Variants in TRPM7 observed in about 807,000 individuals in gnomAD.
The protein encoded by TRPM7 is LTRPC ion channel family member 7.
In TRPM7, 134 loss-of-function variants were observed where a neutral mutation model predicts 229.7. That is an observed-to-expected ratio of 0.58 (90% CI 0.51 to 0.67). TRPM7 has a LOEUF of 0.67. Among genes scored for constraint, TRPM7 ranks in the 30% least tolerant of loss-of-function variants. The pLI, the probability that TRPM7 is intolerant of heterozygous loss-of-function variation, is 0.00. For missense variants in TRPM7, 1,901 were observed against 2,210.0 expected, an observed-to-expected ratio of 0.86 and a Z score of 2.80; for synonymous variants, 699 against 715.2, an observed-to-expected ratio of 0.98 and a Z score of 0.36.
At chr15:50,653,684 A>T (rs2061484131) in intron 3 of TRPM7, among the ~76,000 whole-genome samples, 1 of 152,194 alleles carries the variant, frequency 6.6e-6, no homozygotes, top group South Asian at 2.1e-4. Flanking sequence ...AGTAGAGAAC[A>T]GAATTCTAGG....
chr15:50,587,971 T>C (rs951324218), intron 27 of TRPM7, among the ~76,000 whole-genome samples: 1 of 152,176 alleles, frequency 6.6e-6, no homozygotes, highest in Non-Finnish European at 1.5e-5. Flanking sequence ...CTTTTCTTCT[T>C]TCTCTTTTTA....
rs59336476 is a variant in TRPM7, at chr15:50,614,664, C to CA, written c.1495-402dup. Among the ~76,000 whole-genome samples, 880 of 92,538 alleles carry CA rather than the reference C, an allele frequency of 9.5e-3. 56 individuals are homozygous for CA. The highest frequency in any genetic ancestry group is 0.022 in the African/African-American group (466 of 20,720). 60.7% of individuals were successfully genotyped at this position (92,538 alleles called of 152,430 possible). ...TGGGAGACAGAGCAAGACTTGGTCT[C>CA]AAAAAAAAAAAAAAAAAAAAAAAAA... On this transcript the variant is annotated intron_variant, in intron 13 of 38. Transcript: ENST00000646667.
Position 50,631,487 on chromosome 15 carries a change from G to C in TRPM7, c.1134C>G (p.Ile378Met). ...CATCTGACCCAATATGGAAAACAGT[G>C]ATCTATTTAAAGATAAATTTATAAC... ...LMECMKRKEL[I>M]TVFHIGSDEH... is the part of the protein sequence containing the mutation. The change falls in exon 10 of 39, where the codon ATC becomes ATG. Residue 378 changes from isoleucine to methionine, a missense_variant and splice_region_variant. Around this residue, in one of 8 missense-constraint regions of TRPM7, gnomAD observed 794 missense variants for 881.9 expected, o/e 0.90. Transcript: ENST00000646667. 1.3e-6 allele frequency: 2 copies of C among 1,589,618 alleles called. No homozygotes were observed. Among genetic ancestry groups the C allele is most frequent in the Non-Finnish European group, 1.7e-6 (2 of 1,158,986 alleles).
rs2059516902 is a variant in TRPM7 at position 50,592,148 on chromosome 15, G to C, written c.4087C>G (p.Pro1363Ala). Residue 1363 changes from proline (P) to alanine (A), a missense_variant, in exon 26 of 39, where the codon CCA becomes GCA. Physicochemically the swap from Pro to Ala is conservative, Grantham distance 27. Around this residue, in one of 8 missense-constraint regions of TRPM7, gnomAD observed 533 missense variants for 497.1 expected, o/e 1.07. Transcript: ENST00000646667. Reference protein sequence around the residue: ...GALFPSAVSPPELRQRLHGVE... With the variant: ...GALFPSAVSPAELRQRLHGVE... ...CCATGTAGTCTCTGTCGCAGTTCTG[G>C]AGGGGAAACAGCACTTGGGAATAAG... 1 of 1,613,818 alleles carries C rather than the reference G, an allele frequency of 6.2e-7. No individual in the cohort carries two copies. The highest frequency in any genetic ancestry group is 1.3e-5 in the African/African-American group (1 of 75,014).
rs567598050 is a variant in TRPM7, at chr15:50,668,942, T to C, written c.4-5896A>G. 5.3e-5 allele frequency among the ~76,000 whole-genome samples: 8 copies of C among 152,320 alleles called. No homozygotes were observed. The East Asian group carries it at 1.5e-3, about 29-fold the overall frequency. ...CCTTAAAGGAATCAAACTTGACTTG[T>C]AGAGCCAATTAAAAGCTGCTTGGGA... On this transcript the variant is annotated intron_variant, in intron 1 of 38. Transcript: ENST00000646667.
intron 1 of TRPM7, among the ~76,000 whole-genome samples, chr15:50,684,053 T>C (rs376133661): frequency 1.9e-4 from 29 of 152,022 alleles, no homozygotes; most frequent in Non-Finnish European, 7.4e-5. Flanking sequence ...GGTTTCACCA[T>C]GTTGGCCAGG....
Position 50,590,428 on chromosome 15 carries a change from T to C in TRPM7, c.4325-772A>G, listed in dbSNP as rs539727775. 5.3e-5 allele frequency among the ~76,000 whole-genome samples: 8 copies of C among 152,144 alleles called. No homozygotes were observed. In the South Asian group the frequency reaches 8.3e-4, roughly 16 times the overall value. ...ATGAAAACTGTTCCACACATAGAGA[T>C]TGTTCAGACAACATGTTAATAAGCC... On this transcript the variant is annotated intron_variant, in intron 26 of 38. Transcript: ENST00000646667.
At position 50,650,192 on chromosome 15, in the gene TRPM7, C is replaced by CAAAAAA. The variant is rs59579538; in HGVS notation, c.123-1313_123-1308dup. On this transcript the variant is annotated intron_variant, in intron 3 of 38. Coordinates refer to ENST00000646667, the MANE Select transcript of TRPM7 (RefSeq NM_017672.6). ...TGGGTGAAAGAGTGAGACTTTGTCT[C>CAAAAAA]AAAAAAAAAAAAAAAAAAAAAAAAA... Among the ~76,000 whole-genome samples, 152 of 62,286 alleles carry CAAAAAA rather than the reference C, an allele frequency of 2.4e-3. 2 individuals carry two copies. Among genetic ancestry groups the CAAAAAA allele is most frequent in the Non-Finnish European group, 3.2e-3 (116 of 36,474 alleles). 40.9% of individuals were successfully genotyped at this position (62,286 alleles called of 152,430 possible).
Position 50,575,020 on chromosome 15 carries a change from C to G in TRPM7, c.4851G>C (p.Glu1617Asp). Residue 1617 changes from glutamate (E) to aspartate (D), a missense_variant, in exon 34 of 39, where the codon GAG becomes GAC. Glu to Asp is a conservative substitution (Grantham distance 45, BLOSUM62 2). This residue lies in a region of TRPM7 where 257 missense variants were observed against 352.0 expected (regional missense o/e 0.73). Transcript: ENST00000646667. ...LCAKIEFLSK[E>D]EMGGGLRRAV... ...CTCTTCGTAAACCTCCTCCCATCTC[C>G]TCTTTGCTTAAAAACTCTATTTTGG... 6.2e-7 allele frequency: 1 copy of G among 1,614,118 alleles called. No individual in the cohort carries two copies. Among genetic ancestry groups the G allele is most frequent in the Non-Finnish European group, 8.5e-7 (1 of 1,180,006 alleles).
chr15:50,570,187 T>C lies in TRPM7; in HGVS notation c.5309-32A>G, dbSNP rs1310442238. 15 of 1,458,958 alleles carry C rather than the reference T, an allele frequency of 1.0e-5. No homozygotes were observed. The East Asian group carries it at 3.2e-4, about 31-fold the overall frequency. The allele number at this position is 1,458,958 out of a possible 1,614,324, so 90.4% of individuals were successfully genotyped here. On this transcript the variant is annotated intron_variant, in intron 36 of 38. Transcript: ENST00000646667. ...ATGTGTATATAAAAAAGACAAATAA[T>C]TTATATTATATAATTGACATAAATA... is the stretch of plus-strand genomic sequence containing the variant.
At chr15:50,599,477 T>C (rs1219715472) in intron 21 of TRPM7, 181 bp from the exon 22 acceptor site, 1 of 447,780 alleles carries the variant, frequency 2.2e-6, no homozygotes, top group Non-Finnish European at 3.9e-6. Flanking sequence ...AATCTTAACA[T>C]CTAGGAGATT....
At chr15:50,623,497 C>T (rs1016132675) in intron 12 of TRPM7, among the ~76,000 whole-genome samples, 1 of 148,688 alleles carries the variant, frequency 6.7e-6, no homozygotes, top group Non-Finnish European at 1.5e-5. Context: ...GCCCCCTCCC[C>T]GCCCCGCCCT....
At position 50,557,657 on chromosome 15, in the gene TRPM7, T is replaced by G. The variant is rs1319162624; in HGVS notation, c.*4021A>C. ...TTTGCAGAAAAGAATTCCACATCTT[T>G]TTTTTGAGACAGAGTTCTGCTGTCA... On this transcript the variant is annotated 3_prime_UTR_variant, in exon 39 of 39. Transcript: ENST00000646667. 1 of 152,214 alleles carries G rather than the reference T, an allele frequency of 6.6e-6. No individual in the cohort carries two copies. The highest frequency in any genetic ancestry group is 2.1e-4 in the South Asian group (1 of 4,834). The allele number at this position is 152,214 out of a possible 1,614,324, so 9.4% of individuals were successfully genotyped here.
chr15:50,632,381 A>C (rs2140665027), intron 9 of TRPM7, among the ~76,000 whole-genome samples: 1 of 152,310 alleles, frequency 6.6e-6, no homozygotes, highest in Non-Finnish European at 1.5e-5. Context: ...AGTTTACAAA[A>C]ACTTGCAATG....
In TRPM7 at chr15:50,592,486, G is replaced by A; in HGVS notation, c.3749C>T (p.Thr1250Ile). Reference sequence around the variant, plus strand: ...GCTAGCTTCCGACGCTTTCTGGGCAGTGAGTGTTTTTAATGTATCTACCGT... The same window carrying A: ...GCTAGCTTCCGACGCTTTCTGGGCAATGAGTGTTTTTAATGTATCTACCGT... ...ALTVDTLKTL[T>I]AQKASEASKV... Residue 1250 changes from threonine (T) to isoleucine (I), a missense_variant, in exon 26 of 39, where the codon ACT becomes ATT. Transcript: ENST00000646667. 1 of 1,614,146 alleles carries A rather than the reference G, an allele frequency of 6.2e-7. No homozygotes were observed.
Position 50,591,993 on chromosome 15 carries a change from G to C in TRPM7, c.4242C>G (p.His1414Gln), listed in dbSNP as rs766141289. 1.2e-6 allele frequency: 2 copies of C among 1,611,644 alleles called. No homozygotes were observed. The highest frequency in any genetic ancestry group is 1.7e-6 in the Non-Finnish European group (2 of 1,179,278). ...CTTGATCTTTGGTTCCAGTTTCCAA[G>C]TGGCTTTTGCAACTTGGCTGAGATG... ...STPSQPSCKS[H>Q]LETGTKDQET... Residue 1414 changes from histidine (H) to glutamine (Q), a missense_variant, in exon 26 of 39, where the codon CAC becomes CAG. Transcript: ENST00000646667.
At chr15:50,584,452 A>G (rs1274216878) in intron 28 of TRPM7, among the ~76,000 whole-genome samples, 5 of 152,076 alleles carry the variant, frequency 3.3e-5, no homozygotes, top group Non-Finnish European at 7.4e-5. Flanking sequence ...TCGTTCTGGG[A>G]ATACAGAGTG....
intron 26 of TRPM7, among the ~76,000 whole-genome samples, chr15:50,590,669 T>A (rs554837287): frequency 1.3e-5 from 2 of 151,948 alleles, no homozygotes; most frequent in Admixed American, 6.6e-5. Context: ...AAAAATAAAT[T>A]GGAAATTAGC....
At chr15:50,596,485 G>T in intron 22 of TRPM7, 104 bp from the exon 23 acceptor site, 1 of 954,022 alleles carries the variant, frequency 1.0e-6, no homozygotes, top group Non-Finnish European at 1.4e-6. Context: ...CTTAAAGTAA[G>T]TTTCGATTAT....
Sources: allele counts gnomAD v4.1 joint callset (sites outside exome capture counted in the v4.1 genomes callset), GRCh38; gene constraint gnomAD v4.1.1; regional missense constraint gnomAD v4.1.1; transcripts MANE v1.5; gene names NCBI Gene and HGNC (gene_info 2026-07-23, HGNC 2026-07-21).